RBFOX1: variants seen among roughly 807,000 people sequenced by gnomAD.
The protein encoded by RBFOX1 is RNA binding fox-1 homolog 1, also known as RNA binding protein fox-1 homolog 1.
A neutral mutation model predicts 57.7 loss-of-function variants in RBFOX1; 8 were observed. The observed-to-expected ratio is 0.14, with a 90% confidence interval of 0.08 to 0.25. The LOEUF (loss-of-function observed/expected upper bound fraction) is 0.25. Among genes scored for constraint, RBFOX1 ranks in the 10% least tolerant of loss-of-function variants. RBFOX1 has a pLI of 1.00. For synonymous variants in RBFOX1, 326 were observed against 222.4 expected, an observed-to-expected ratio of 1.47 and a Z score of -4.15; for missense variants, 611 against 548.5, an observed-to-expected ratio of 1.11 and a Z score of -1.14.
intron 2 of RBFOX1, among the ~76,000 whole-genome samples, chr16:5,511,907 A>G (rs191171202): frequency 3.3e-5 from 5 of 152,348 alleles, no homozygotes; most frequent in African/African-American, 9.6e-5. Context: ...AGTACCAGAT[A>G]TTAAAGCTTA....
At chr16:5,792,089 T>G (rs1171991189) in intron 3 of RBFOX1, among the ~76,000 whole-genome samples, 1 of 152,208 alleles carries the variant, frequency 6.6e-6, no homozygotes, top group African/African-American at 2.4e-5. Flanking sequence ...GGATGATTTC[T>G]GATTCCCTTA....
chr16:5,586,497 A>G (rs1382875641), intron 2 of RBFOX1, among the ~76,000 whole-genome samples: 1 of 152,058 alleles, frequency 6.6e-6, no homozygotes, highest in Non-Finnish European at 1.5e-5. Context: ...CCCTAATTTT[A>G]TTTGTTCATT....
chr16:5,874,386 C>CA (rs1191779217), intron 4 of RBFOX1, among the ~76,000 whole-genome samples: 1 of 152,124 alleles, frequency 6.6e-6, no homozygotes, highest in African/African-American at 2.4e-5. Flanking sequence ...GATGGTGGGG[C>CA]ACAGTCGGGG....
chr16:7,508,653 G>T (rs549124016), intron 4 of RBFOX1, among the ~76,000 whole-genome samples: 1 of 152,158 alleles, frequency 6.6e-6, no homozygotes, highest in Non-Finnish European at 1.5e-5. Flanking sequence ...TATGTATCCA[G>T]ATTTTCTTTC....
chr16:7,544,404 A>C (rs1370361890), intron 5 of RBFOX1, among the ~76,000 whole-genome samples: 1 of 152,210 alleles, frequency 6.6e-6, no homozygotes, highest in Non-Finnish European at 1.5e-5. Flanking sequence ...TCTCATTTGA[A>C]AGTAGAGCCT....
chr16:6,838,499 A>G (rs1337649259), intron 3 of RBFOX1, among the ~76,000 whole-genome samples: 2 of 152,194 alleles, frequency 1.3e-5, no homozygotes, highest in Admixed American at 6.5e-5. Context: ...TTTGCATGCA[A>G]TTAAAAGTGG....
intron 2 of RBFOX1, among the ~76,000 whole-genome samples, chr16:5,472,833 G>C (rs1185870897): frequency 6.6e-6 from 1 of 152,210 alleles, no homozygotes; most frequent in East Asian, 1.9e-4. Flanking sequence ...CTGCACGCCT[G>C]TCTGCATAGG....
chr16:5,275,058 G>A (rs2063108950), intron 1 of RBFOX1, among the ~76,000 whole-genome samples: 1 of 152,176 alleles, frequency 6.6e-6, no homozygotes, highest in African/African-American at 2.4e-5. Context: ...CTTGCCTTCT[G>A]CTTTTGGTCA....
At chr16:6,224,613 C>T (rs10500335) in intron 1 of RBFOX1, among the ~76,000 whole-genome samples, 61,941 of 151,968 alleles carry the variant, frequency 0.41, 14,139 homozygotes, top group East Asian at 0.67. Context: ...GCTAGGTCTG[C>T]GTATTTCTGC....
intron 2 of RBFOX1, among the ~76,000 whole-genome samples, chr16:5,552,343 C>T (rs769516249): frequency 2.0e-5 from 3 of 152,166 alleles, no homozygotes; most frequent in African/African-American, 7.2e-5. Flanking sequence ...ATTTTTCCAG[C>T]GCTATTTGCT....
intron 1 of RBFOX1, among the ~76,000 whole-genome samples, chr16:5,262,128 G>T (rs1181134443): frequency 6.6e-6 from 1 of 152,174 alleles, no homozygotes; most frequent in Non-Finnish European, 1.5e-5. Flanking sequence ...GGGTTAGCAG[G>T]GAAGGCTTAG....
chr16:5,464,194 C>T (rs1327394597), intron 1 of RBFOX1, among the ~76,000 whole-genome samples: 1 of 152,154 alleles, frequency 6.6e-6, no homozygotes, highest in Admixed American at 6.5e-5. Context: ...GTCTGTGGGA[C>T]ACCCATGTGG....
intron 1 of RBFOX1, among the ~76,000 whole-genome samples, chr16:6,024,049 C>T (rs148905534): frequency 2.0e-5 from 3 of 152,142 alleles, no homozygotes; most frequent in East Asian, 3.9e-4. Context: ...TATACACAGG[C>T]AACTGTCCTC....
chr16:6,998,608 C>G (rs952564645), intron 3 of RBFOX1, among the ~76,000 whole-genome samples: 2 of 152,112 alleles, frequency 1.3e-5, no homozygotes, highest in Non-Finnish European at 2.9e-5. Context: ...TGATCGATGA[C>G]TTTTGTTGCT....
At chr16:5,368,112 TA>T (rs2065770477) in intron 1 of RBFOX1, among the ~76,000 whole-genome samples, 2 of 152,254 alleles carry the variant, frequency 1.3e-5, no homozygotes, top group Admixed American at 6.5e-5. Context: ...GTCATAAATG[TA>T]TGATGAATGG....
chr16:7,318,051 A>T (rs973151378), intron 4 of RBFOX1, among the ~76,000 whole-genome samples: 1 of 150,802 alleles, frequency 6.6e-6, no homozygotes, highest in Non-Finnish European at 1.5e-5. Context: ...GGTGGTGGTG[A>T]TTGTGAATGG....
intron 2 of RBFOX1, among the ~76,000 whole-genome samples, chr16:6,331,990 G>C (rs1377728141): frequency 6.6e-6 from 1 of 152,118 alleles, no homozygotes; most frequent in Non-Finnish European, 1.5e-5. Context: ...GTTACAACAG[G>C]CTGCTGAAAA....
chr16:7,352,294 C>T lies in RBFOX1; in HGVS notation c.28-165853C>T, dbSNP rs565819579. Among the ~76,000 whole-genome samples, 9 of 152,258 alleles carry T rather than the reference C, an allele frequency of 5.9e-5. No individual in the cohort carries two copies. The Middle Eastern group carries it at 0.01, about 173-fold the overall frequency. ...TCTTTGCACGTGTCTTTAAACAGGG[C>T]AGAAACAACTGGCCCTGTCCTTCCA... On this transcript the variant is annotated intron_variant, in intron 4 of 15. Transcript: ENST00000550418.
chr16:7,671,826 G>A (rs1465399612), intron 13 of RBFOX1, among the ~76,000 whole-genome samples: 1 of 152,200 alleles, frequency 6.6e-6, no homozygotes, highest in Non-Finnish European at 1.5e-5. Context: ...TTCCAAATAT[G>A]GGTGCTGTTT....
Sources: gnomAD v4.1 joint callset for allele counts (sites outside exome capture counted in the v4.1 genomes callset) on GRCh38, gnomAD v4.1.1 for gene constraint, MANE v1.5 for transcripts, NCBI Gene and HGNC (gene_info 2026-07-23, HGNC 2026-07-21) for gene names.